The following MYH15 variants were observed in gnomAD, a reference collection of about 807,000 sequenced individuals.
The protein encoded by MYH15 is myosin-15.
In MYH15, 227 loss-of-function variants were observed where a neutral mutation model predicts 240.5. The observed-to-expected ratio is 0.94, with a 90% CI of 0.85 to 1.05. The LOEUF is 1.05. Ranked by LOEUF, MYH15 falls within the 50% of genes least tolerant of loss-of-function variation. The pLI, the probability that MYH15 is intolerant of heterozygous loss-of-function variation, is 0.00. For synonymous variants in MYH15, 785 were observed against 796.7 expected, an observed-to-expected ratio of 0.99 and a Z score of 0.25; for missense variants, 2,217 against 2,247.5, an observed-to-expected ratio of 0.99 and a Z score of 0.27.
At chr3:108,507,542 A>G (rs753913858) in intron 1 of MYH15, among the ~76,000 whole-genome samples, 7 of 152,282 alleles carry the variant, frequency 4.6e-5, no homozygotes, top group African/African-American at 4.8e-5. Flanking sequence ...GAGGAAGGCA[A>G]TAAGACTGGG....
At chr3:108,429,193 T>C (rs966804759) in intron 26 of MYH15, among the ~76,000 whole-genome samples, 1 of 152,170 alleles carries the variant, frequency 6.6e-6, no homozygotes, top group Non-Finnish European at 1.5e-5. Context: ...AAAAAAACTG[T>C]TTAAGAGCAT....
At chr3:108,534,803 C>A in the MYH15 span, among the ~76,000 whole-genome samples, 1 of 151,842 alleles carries the variant, frequency 6.6e-6, no homozygotes, top group South Asian at 2.1e-4. Flanking sequence ...ATCACTTGAG[C>A]CCAGGAGGTT....
chr3:108,407,610 C>A lies in MYH15; in HGVS notation c.4620+670G>T, dbSNP rs575866151. Among the ~76,000 whole-genome samples, 3 of 152,290 alleles carry A rather than the reference C, an allele frequency of 2.0e-5. No homozygotes were observed. In the East Asian group the frequency reaches 5.8e-4, roughly 29 times the overall value. ...GTGAATCCATAACACTGAAAACCCT[C>A]CTGTCAATCTGCACAAAGATGAGCT... On this transcript the variant is annotated intron_variant, in intron 32 of 40. Coordinates refer to ENST00000693548, the MANE Select transcript of MYH15 (RefSeq NM_014981.3).
chr3:108,410,778 G>T lies in MYH15; in HGVS notation c.4300C>A (p.Leu1434Met), dbSNP rs572542760. Residue 1434 changes from leucine (L) to methionine (M), a missense_variant, in exon 31 of 41, where the codon CTG becomes ATG. By Grantham distance (15) the Leu-to-Met change is conservative. Transcript: ENST00000693548. ...LGKVRSAAAR[L>M]DQKQLQSGKA... ...CCAGACTGCAGCTGCTTCTGGTCCA[G>T]CCTGGCTGCTGCAGAGCGGACCTTC... The T allele has an allele frequency of 4.5e-5, 73 of 1,614,154 alleles. No homozygotes were observed. The South Asian group carries it at 7.5e-4, about 17-fold the overall frequency.
At chr3:108,524,858 C>T (rs1233608367) in intron 1 of MYH15, among the ~76,000 whole-genome samples, 5 of 151,964 alleles carry the variant, frequency 3.3e-5, no homozygotes, top group Non-Finnish European at 7.4e-5. Context: ...CTGTTCATGG[C>T]TTTCATTCCC....
At chr3:108,518,020 A>C (rs2083587886) in intron 1 of MYH15, among the ~76,000 whole-genome samples, 1 of 152,222 alleles carries the variant, frequency 6.6e-6, no homozygotes, top group African/African-American at 2.4e-5. Context: ...TTTACAACTT[A>C]AAGGAAGGAA....
upstream of MYH15, among the ~76,000 whole-genome samples, chr3:108,514,508 C>T (rs2083545650): frequency 1.3e-5 from 2 of 152,144 alleles, no homozygotes; most frequent in East Asian, 1.9e-4. Context: ...CCCAGGGGTA[C>T]AATAATGGGC....
chr3:108,421,613 A>G (rs1416163205), intron 27 of MYH15, among the ~76,000 whole-genome samples: 1 of 152,114 alleles, frequency 6.6e-6, no homozygotes, highest in Admixed American at 6.6e-5. Context: ...TTAAAGATAT[A>G]CCCCCTATTG....
At chr3:108,486,354 C>G in intron 10 of MYH15, 69 bp downstream of exon 10, 5 of 1,319,244 alleles carry the variant, frequency 3.8e-6, no homozygotes, top group Non-Finnish European at 4.3e-6. Flanking sequence ...AAGAACAGAA[C>G]TCTAAGATTC....
intron 14 of MYH15, among the ~76,000 whole-genome samples, chr3:108,467,315 AT>A (rs745523852): frequency 6.6e-6 from 1 of 151,946 alleles, no homozygotes; most frequent in East Asian, 1.9e-4. Flanking sequence ...GATTCATTTT[AT>A]ATTAAAAACA....
chr3:108,543,083 G>T, the MYH15 span, among the ~76,000 whole-genome samples: 1 of 152,122 alleles, frequency 6.6e-6, no homozygotes, highest in African/African-American at 2.4e-5. Flanking sequence ...GTTTCACCAT[G>T]TTGTCCAGGA....
intron 1 of MYH15, among the ~76,000 whole-genome samples, chr3:108,519,433 CA>C (rs2083599628): frequency 6.6e-6 from 1 of 152,108 alleles, no homozygotes; most frequent in African/African-American, 2.4e-5. Flanking sequence ...CTCATTGCTC[CA>C]TATTTTACAG....
the MYH15 span, chr3:108,550,508 GTTAAATGTAATCAT>G: frequency 6.6e-6 from 1 of 151,254 alleles, no homozygotes; most frequent in Non-Finnish European, 1.5e-5. Context: ...CAGCTATTGT[GTTAAATGTAATCAT>G]TTAAATGTAA....
intron 11 of MYH15, among the ~76,000 whole-genome samples, chr3:108,482,338 T>C (rs953962706): frequency 6.6e-6 from 1 of 152,124 alleles, no homozygotes; most frequent in Non-Finnish European, 1.5e-5. Flanking sequence ...GATTCAAGGC[T>C]GGAGCCCTGA....
intron 5 of MYH15, among the ~76,000 whole-genome samples, chr3:108,498,564 G>C (rs571373165): frequency 2.6e-4 from 39 of 152,250 alleles, no homozygotes; most frequent in Non-Finnish European, 4.6e-4. Flanking sequence ...CCAGGCAGTT[G>C]GGCTTTAGGC....
intron 24 of MYH15, among the ~76,000 whole-genome samples, chr3:108,439,340 G>A (rs2082866830): frequency 6.6e-6 from 1 of 152,274 alleles, no homozygotes; most frequent in Non-Finnish European, 1.5e-5. Context: ...CACACCACTG[G>A]AAACACACAT....
At chr3:108,465,809 C>T (rs2083111358) in intron 14 of MYH15, among the ~76,000 whole-genome samples, 1 of 151,994 alleles carries the variant, frequency 6.6e-6, no homozygotes, top group Non-Finnish European at 1.5e-5. Flanking sequence ...TGCCTGTAAT[C>T]CCAGCTACCC....
chr3:108,522,001 A>T (rs1051136581), intron 1 of MYH15, among the ~76,000 whole-genome samples: 2 of 152,152 alleles, frequency 1.3e-5, no homozygotes, highest in Non-Finnish European at 2.9e-5. Context: ...AGGATTCAAG[A>T]TGTTCAGTTG....
intron 11 of MYH15, among the ~76,000 whole-genome samples, chr3:108,484,461 CCTT>C (rs1211677041): frequency 6.6e-6 from 1 of 151,854 alleles, no homozygotes; most frequent in Non-Finnish European, 1.5e-5. Context: ...ATAATTTGCT[CCTT>C]ATTTTTGTAT....
Sources: allele counts gnomAD v4.1 joint callset (sites outside exome capture counted in the v4.1 genomes callset), GRCh38; gene constraint gnomAD v4.1.1; transcripts MANE v1.5; gene names NCBI Gene and HGNC (gene_info 2026-07-23, HGNC 2026-07-21).